MAP3K13: variants seen among roughly 807,000 people sequenced by gnomAD.
MAP3K13 encodes the protein leucine zipper-bearing kinase.
MAP3K13 carries 52 observed loss-of-function variants against 104.0 expected under a neutral mutation model. That is an observed-to-expected ratio of 0.50 (90% CI 0.40 to 0.63). MAP3K13 has a LOEUF of 0.63. MAP3K13 is among the 20% of genes least tolerant of loss of function. The pLI is 0.00. For synonymous variants in MAP3K13, 394 were observed against 442.2 expected, an observed-to-expected ratio of 0.89 and a Z score of 1.37; for missense variants, 914 against 1,218.5, an observed-to-expected ratio of 0.75 and a Z score of 3.72.
chr3:185,302,463 G>C lies in MAP3K13; in HGVS notation c.-86+16820G>C, dbSNP rs374101085. On this transcript the variant is annotated intron_variant, in intron 2 of 14. Transcript: ENST00000424227. ...AAATAATATTAAGTCTTCACTCCATGAGTATGGGATGTCTTTTCATTTATT... is the reference window on the plus strand; with the variant it reads ...AAATAATATTAAGTCTTCACTCCATCAGTATGGGATGTCTTTTCATTTATT... Among the ~76,000 whole-genome samples, 5 of 152,114 alleles carry C rather than the reference G, an allele frequency of 3.3e-5. No individual in the cohort carries two copies. In the East Asian group the frequency reaches 9.6e-4, roughly 29 times the overall value.
At chr3:185,380,235 G>A (rs941600390) in intron 1 of MAP3K13, among the ~76,000 whole-genome samples, 40 of 146,700 alleles carry the variant, frequency 2.7e-4, no homozygotes, top group African/African-American at 9.9e-4. Flanking sequence ...TTCTCAGGCC[G>A]GGCGTGGTGG....
chr3:185,374,640 A>G (rs1044055768), intron 1 of MAP3K13, among the ~76,000 whole-genome samples: 2 of 152,148 alleles, frequency 1.3e-5, no homozygotes, highest in African/African-American at 4.8e-5. Context: ...TAGCGTAATT[A>G]CTTACTTGGT....
intron 2 of MAP3K13, among the ~76,000 whole-genome samples, chr3:185,326,732 G>A (rs980360113): frequency 2.6e-5 from 4 of 151,970 alleles, no homozygotes; most frequent in Admixed American, 2.0e-4. Context: ...AAAAATGAGG[G>A]TACAGCTAGG....
chr3:185,332,385 A>T (rs1387953783), intron 2 of MAP3K13, among the ~76,000 whole-genome samples: 2 of 152,190 alleles, frequency 1.3e-5, no homozygotes, highest in African/African-American at 4.8e-5. Context: ...TTAAAAACTA[A>T]TTTTCATTTT....
intron 1 of MAP3K13, among the ~76,000 whole-genome samples, chr3:185,426,080 C>CCTTCTT (rs71164508): frequency 0.27 from 40,473 of 151,026 alleles, 5,485 homozygotes; most frequent in South Asian, 0.39. Context: ...TCCCTCTTCT[C>CCTTCTT]CTTCTTCTTC....
At chr3:185,285,700 C>G in intron 2 of MAP3K13, 1 of 1,401,914 alleles carries the variant, frequency 7.1e-7, no homozygotes. Context: ...CTTAAATTTG[C>G]CTAGGAAATT....
intron 1 of MAP3K13, among the ~76,000 whole-genome samples, chr3:185,419,766 T>C (rs921049606): frequency 6.6e-6 from 1 of 152,144 alleles, no homozygotes; most frequent in Non-Finnish European, 1.5e-5. Context: ...TTATTAAAGA[T>C]TTATGGAGAT....
chr3:185,430,115 G>C (rs1013997313), intron 2 of MAP3K13, among the ~76,000 whole-genome samples: 1 of 151,966 alleles, frequency 6.6e-6, no homozygotes, highest in Non-Finnish European at 1.5e-5. Context: ...CACAAGAATT[G>C]CTTAAACCCA....
chr3:185,283,898 CTTTT>C (rs1201384582), intron 1 of MAP3K13, among the ~76,000 whole-genome samples: 3 of 127,410 alleles, frequency 2.4e-5, no homozygotes, highest in Non-Finnish European at 4.9e-5. Context: ...TTCTTTCTTT[CTTTT>C]TTTTTTTTTT....
intron 2 of MAP3K13, among the ~76,000 whole-genome samples, chr3:185,296,260 AC>A (rs1324192900): frequency 6.6e-6 from 1 of 151,240 alleles, no homozygotes; most frequent in Non-Finnish European, 1.5e-5. Flanking sequence ...ACAAACCAAA[AC>A]CCTTCAGTTG....
At position 185,466,875 on chromosome 3, in the gene MAP3K13, C is replaced by G. The variant is rs149994420; in HGVS notation, c.1555C>G (p.Pro519Ala). 1.3e-5 allele frequency: 21 copies of G among 1,613,836 alleles called. No homozygotes were observed. In the African/African-American group the frequency reaches 2.3e-4, roughly 17 times the overall value. The change falls in exon 10 of 14, where the codon CCT becomes GCT. Residue 519 changes from proline to alanine, a missense_variant. Pro to Ala is a conservative substitution (Grantham distance 27, BLOSUM62 -1). Around this residue, in one of 3 missense-constraint regions of MAP3K13, gnomAD observed 583 missense variants for 737.4 expected, o/e 0.79. Coordinates refer to ENST00000265026, the MANE Select transcript of MAP3K13 (RefSeq NM_004721.5). ...GTATCCTGGGACCTACAAACGACAC[C>G]CTGTTCGTCCTATCATCCATCCCAA... ...KKYPGTYKRH[P>A]VRPIIHPNAM... is the part of the protein sequence containing the mutation.
At chr3:185,385,441 G>A (rs1309128453) in intron 1 of MAP3K13, among the ~76,000 whole-genome samples, 1 of 152,102 alleles carries the variant, frequency 6.6e-6, no homozygotes, top group Admixed American at 6.5e-5. Context: ...ACAAAGTGCT[G>A]GGATTGCAGG....
chr3:185,300,148 G>A (rs191546275), intron 2 of MAP3K13, among the ~76,000 whole-genome samples: 2 of 148,666 alleles, frequency 1.3e-5, no homozygotes, highest in East Asian at 2.0e-4. Flanking sequence ...TGTCCTCAGA[G>A]TTCATCTGTG....
Position 185,479,150 on chromosome 3 carries a change from C to T in MAP3K13, c.2502-1082C>T, listed in dbSNP as rs114996440. ...TGAGCTACTAACTAGCTGGGCAGTACCCACAGCTGCAGAGTGAATGTTCCT... is the reference window on the plus strand; with the variant it reads ...TGAGCTACTAACTAGCTGGGCAGTATCCACAGCTGCAGAGTGAATGTTCCT... On this transcript the variant is annotated intron_variant, in intron 12 of 13. Transcript: ENST00000265026. 2.9e-3 allele frequency among the ~76,000 whole-genome samples: 439 copies of T among 152,246 alleles called. 2 individuals carry two copies. Among genetic ancestry groups the T allele is most frequent in the African/African-American group, 0.01 (430 of 41,540 alleles).
At chr3:185,286,496 A>T (rs972475461) in intron 2 of MAP3K13, among the ~76,000 whole-genome samples, 15 of 142,168 alleles carry the variant, frequency 1.1e-4, no homozygotes, top group Admixed American at 4.2e-4. Flanking sequence ...GTTTGAAATT[A>T]AAAAAAAAAA....
At chr3:185,425,279 G>A (rs914827124) in intron 1 of MAP3K13, among the ~76,000 whole-genome samples, 2 of 152,132 alleles carry the variant, frequency 1.3e-5, no homozygotes, top group African/African-American at 4.8e-5. Context: ...CCATAGTTGA[G>A]CTAATCGTCT....
At chr3:185,363,109 T>G (rs528932938), upstream of MAP3K13, 14 of 984,492 alleles carry the variant, frequency 1.4e-5, no homozygotes, top group Admixed American at 1.2e-4. Flanking sequence ...CTGGGCCTAC[T>G]CTGGACCCGC....
chr3:185,480,963 T>C (rs934227241), intron 13 of MAP3K13, among the ~76,000 whole-genome samples: 51 of 152,014 alleles, frequency 3.4e-4, no homozygotes, highest in African/African-American at 1.0e-3. Flanking sequence ...TCCCCCAACA[T>C]TGGGAATTGC....
chr3:185,340,631 A>C (rs1183964924), intron 2 of MAP3K13, among the ~76,000 whole-genome samples: 1 of 152,126 alleles, frequency 6.6e-6, no homozygotes, highest in Non-Finnish European at 1.5e-5. Context: ...CCAAAATTTC[A>C]TCTTGAATTG....
Sources: gnomAD v4.1 joint callset for allele counts (sites outside exome capture counted in the v4.1 genomes callset) on GRCh38, gnomAD v4.1.1 for gene constraint, gnomAD v4.1.1 regional missense constraint, MANE v1.5 for transcripts, NCBI Gene and HGNC (gene_info 2026-07-23, HGNC 2026-07-21) for gene names.